Variants in PRKAA2 observed in about 807,000 individuals in gnomAD.
The protein encoded by PRKAA2 is 5'-AMP-activated protein kinase catalytic subunit alpha-2.
Under a neutral mutation model 56.3 loss-of-function variants are expected in PRKAA2, and 40 were observed. The observed-to-expected ratio is 0.71, with a 90% CI of 0.55 to 0.92. The LOEUF (loss-of-function observed/expected upper bound fraction) is 0.92, where lower values mean the gene tolerates loss of function less well. Ranked by LOEUF, PRKAA2 falls within the 40% of genes least tolerant of loss-of-function variation. The pLI is 0.00. For missense variants in PRKAA2, 542 were observed against 686.9 expected (o/e 0.79, Z 2.36); for synonymous variants, 214 against 234.2 (o/e 0.91, Z 0.79).
At chr1:56,686,563 A>G (rs1176046233) in intron 2 of PRKAA2, among the ~76,000 whole-genome samples, 4 of 152,194 alleles carry the variant, frequency 2.6e-5, no homozygotes, top group African/African-American at 9.6e-5. Context: ...CAGGAAGCTT[A>G]CAATCATGAC....
chr1:56,691,469 C>T lies in PRKAA2; in HGVS notation c.312C>T (p.Tyr104=). ...EYVSGGELFD[Y]ICKHGRVEEM... is the part of the protein sequence containing the mutation. ...TGTCTGGAGGTGAATTATTTGACTACATCTGTAAGCATGGACGGGTGAGTA... is the reference window on the plus strand; with the variant it reads ...TGTCTGGAGGTGAATTATTTGACTATATCTGTAAGCATGGACGGGTGAGTA... The change falls in exon 3 of 9, where the codon TAC becomes TAT. Residue 104 remains tyrosine (Y), a synonymous_variant. Transcript: ENST00000371244. The T allele has an allele frequency of 6.2e-7, 1 of 1,608,970 alleles. No homozygotes were observed. Among genetic ancestry groups the T allele is most frequent in the Non-Finnish European group, 8.5e-7 (1 of 1,175,900 alleles).
intron 6 of PRKAA2, among the ~76,000 whole-genome samples, chr1:56,698,278 T>C (rs1644272310): frequency 6.6e-6 from 1 of 152,156 alleles, no homozygotes; most frequent in Non-Finnish European, 1.5e-5. Context: ...TTACTAATCA[T>C]GGAAAAATTA....
chr1:56,656,533 C>T (rs1414636093), intron 1 of PRKAA2, among the ~76,000 whole-genome samples: 1 of 152,160 alleles, frequency 6.6e-6, no homozygotes, highest in African/African-American at 2.4e-5. Flanking sequence ...TTTCTACCAG[C>T]ATAAAACTTA....
chr1:56,701,562 C>T (rs187274779), intron 6 of PRKAA2, among the ~76,000 whole-genome samples: 1 of 152,158 alleles, frequency 6.6e-6, no homozygotes, highest in African/African-American at 2.4e-5. Flanking sequence ...ATTTACTCTA[C>T]TAGGTAGTAG....
intron 1 of PRKAA2, among the ~76,000 whole-genome samples, chr1:56,647,156 A>T (rs989838332): frequency 1.3e-5 from 2 of 152,208 alleles, no homozygotes; most frequent in Non-Finnish European, 2.9e-5. Context: ...GAAAGACCTT[A>T]TAAGTAGAGT....
At chr1:56,700,803 A>G (rs1304663388) in intron 6 of PRKAA2, among the ~76,000 whole-genome samples, 1 of 152,000 alleles carries the variant, frequency 6.6e-6, no homozygotes, top group African/African-American at 2.4e-5. Context: ...GCTCTAAACT[A>G]TTCTGCTCCT....
chr1:56,672,263 A>G (rs1381050049), intron 1 of PRKAA2, among the ~76,000 whole-genome samples: 1 of 152,020 alleles, frequency 6.6e-6, no homozygotes, highest in Non-Finnish European at 1.5e-5. Flanking sequence ...GACTATAGAC[A>G]TGTGCCACCA....
At chr1:56,682,425 C>T (rs1033678868) in intron 2 of PRKAA2, among the ~76,000 whole-genome samples, 3 of 152,046 alleles carry the variant, frequency 2.0e-5, no homozygotes, top group Admixed American at 6.6e-5. Context: ...AATCTGGGGA[C>T]AGAATGTTTT....
intron 5 of PRKAA2, among the ~76,000 whole-genome samples, chr1:56,695,202 A>ATTTT (rs200126678): frequency 1.8e-5 from 2 of 113,172 alleles, no homozygotes; most frequent in African/African-American, 7.6e-5. Context: ...ATATATATAT[A>ATTTT]TTTTTTGTTT....
At chr1:56,667,479 A>T (rs1427756063) in intron 1 of PRKAA2, among the ~76,000 whole-genome samples, 2 of 152,170 alleles carry the variant, frequency 1.3e-5, no homozygotes, top group Non-Finnish European at 2.9e-5. Context: ...CTTTAATATG[A>T]TAGCATTATT....
At chr1:56,701,562 C>A (rs187274779) in intron 6 of PRKAA2, among the ~76,000 whole-genome samples, 1 of 152,158 alleles carries the variant, frequency 6.6e-6, no homozygotes, top group South Asian at 2.1e-4. Context: ...ATTTACTCTA[C>A]TAGGTAGTAG....
intron 2 of PRKAA2, among the ~76,000 whole-genome samples, chr1:56,675,888 T>A (rs1644109585): frequency 6.6e-6 from 1 of 152,162 alleles, no homozygotes; most frequent in Admixed American, 6.5e-5. Context: ...GGAGATCAAA[T>A]ACTAAATTTA....
At chr1:56,656,081 A>C (rs1643938852) in intron 1 of PRKAA2, among the ~76,000 whole-genome samples, 2 of 152,210 alleles carry the variant, frequency 1.3e-5, no homozygotes, top group Non-Finnish European at 2.9e-5. Context: ...AAATAAAGGA[A>C]ATTCTAGGAC....
rs574903216 is a variant in PRKAA2, at chr1:56,657,026, C to T, written c.94+11545C>T. Among the ~76,000 whole-genome samples the T allele has an allele frequency of 2.0e-5, 3 of 152,250 alleles. No individual in the cohort carries two copies. The South Asian group carries it at 6.2e-4, about 32-fold the overall frequency. Reference sequence around the variant, plus strand: ...AAAGTATTCTAAAACTGATTAAATGCCTCAAGCCACAGATTCAGAAGCCCC... The same window carrying T: ...AAAGTATTCTAAAACTGATTAAATGTCTCAAGCCACAGATTCAGAAGCCCC... On this transcript the variant is annotated intron_variant, in intron 1 of 8. Transcript: ENST00000371244.
At position 56,706,142 on chromosome 1, in the gene PRKAA2, C is replaced by A. The variant is rs768448229; in HGVS notation, c.1344C>A (p.Gly448=). 5 of 1,612,826 alleles carry A rather than the reference C, an allele frequency of 3.1e-6. No individual in the cohort carries two copies. Among genetic ancestry groups the A allele is most frequent in the African/African-American group, 1.3e-5 (1 of 74,864 alleles). Residue 448 remains glycine, a synonymous_variant, in exon 8 of 9, where the codon GGC becomes GGA. Transcript: ENST00000371244. The stretch of plus-strand genomic sequence containing the variant: ...TAAGAAGAAAAAATCCAGTGACTGG[C>A]AATTACGTGAAAATGAGCTTACAAC... ...LRVRRKNPVT[G]NYVKMSLQLY...
chr1:56,646,241 A>C (rs1165226364), intron 1 of PRKAA2, among the ~76,000 whole-genome samples: 1 of 152,020 alleles, frequency 6.6e-6, no homozygotes, highest in Non-Finnish European at 1.5e-5. Flanking sequence ...ATGCAGCTGG[A>C]TTGGGTCAGA....
intron 6 of PRKAA2, among the ~76,000 whole-genome samples, chr1:56,701,303 G>A (rs1290002889): frequency 6.6e-6 from 1 of 151,996 alleles, no homozygotes; most frequent in Non-Finnish European, 1.5e-5. Flanking sequence ...GCTGAGACAG[G>A]AGAATCACTT....
At chr1:56,660,101 T>G (rs943760597) in intron 1 of PRKAA2, among the ~76,000 whole-genome samples, 4 of 152,182 alleles carry the variant, frequency 2.6e-5, no homozygotes, top group Non-Finnish European at 4.4e-5. Flanking sequence ...ATTAGAAAAT[T>G]TCCTTATTTT....
Position 56,706,062 on chromosome 1 carries a change from T to G in PRKAA2, c.1294-30T>G, listed in dbSNP as rs755197267. 2.6e-6 allele frequency: 4 copies of G among 1,566,142 alleles called. No homozygotes were observed. In the South Asian group the frequency reaches 3.5e-5, roughly 14 times the overall value. On this transcript the variant is annotated intron_variant, in intron 7 of 8. Transcript: ENST00000371244. ...GCATAAAAAGGTAGATATTTTGTAG[T>G]TTATTATTTTTATTGATTTTTCACT...
Sources: gnomAD v4.1 joint callset for allele counts (sites outside exome capture counted in the v4.1 genomes callset) on GRCh38, gnomAD v4.1.1 for gene constraint, MANE v1.5 for transcripts, NCBI Gene and HGNC (gene_info 2026-07-23, HGNC 2026-07-21) for gene names.